Variants in LGSN observed in about 807,000 individuals in gnomAD.
The protein encoded by LGSN is lengsin, lens protein with glutamine synthetase domain, also known as lengsin.
LGSN carries 21 observed loss-of-function variants against 19.5 expected under a neutral mutation model. The observed-to-expected ratio is 1.07, with a 90% CI of 0.76 to 1.55. LGSN has a LOEUF of 1.55. Among genes scored for constraint, LGSN ranks in the 40% most tolerant of loss-of-function variants. LGSN has a pLI of 0.00. For missense variants in LGSN, 673 were observed against 608.5 expected, an observed-to-expected ratio of 1.11 and a Z score of -1.12; for synonymous variants, 257 against 215.6, an observed-to-expected ratio of 1.19 and a Z score of -1.68.
upstream of LGSN, among the ~76,000 whole-genome samples, chr6:63,323,884 G>T (rs1462784417): frequency 6.7e-6 from 1 of 149,876 alleles, no homozygotes; most frequent in Non-Finnish European, 1.5e-5. Flanking sequence ...CAATTCTCCT[G>T]CCTCAGCCTC....
At chr6:63,513,748 T>C in the LGSN span, among the ~76,000 whole-genome samples, 4 of 151,664 alleles carry the variant, frequency 2.6e-5, 1 homozygote, top group South Asian at 6.2e-4. Flanking sequence ...CCGTCTCTAC[T>C]AAAAATACAA....
the LGSN span, among the ~76,000 whole-genome samples, chr6:63,430,631 G>A: frequency 2.6e-5 from 4 of 152,006 alleles, no homozygotes; most frequent in African/African-American, 4.8e-5. Flanking sequence ...CAAGTGATTC[G>A]CTTGCCACGG....
chr6:63,419,759 A>G, the LGSN span, among the ~76,000 whole-genome samples: 1 of 151,002 alleles, frequency 6.6e-6, no homozygotes, highest in East Asian at 1.9e-4. Flanking sequence ...GTGTTGGTGG[A>G]CGCCTATAAT....
chr6:63,277,577 A>C lies in LGSN; in HGVS notation c.*2444T>G, dbSNP rs1353100429. ...ATCATTGTGGCTTAAAGAAGATAGA[A>C]GTTTGGTTCTCTCTCAGGTAAACAT... is the stretch of plus-strand genomic sequence containing the variant. On this transcript the variant is annotated 3_prime_UTR_variant, in exon 4 of 4. Coordinates refer to ENST00000370657, the MANE Select transcript of LGSN (RefSeq NM_016571.3). 1 of 152,234 alleles carries C rather than the reference A, an allele frequency of 6.6e-6. No homozygotes were observed. Among genetic ancestry groups the C allele is most frequent in the African/African-American group, 2.4e-5 (1 of 41,460 alleles). The allele number at this position is 152,234 out of a possible 1,614,324, so 9.4% of individuals were successfully genotyped here.
At chr6:63,549,483 C>A in the LGSN span, 10 of 785,612 alleles carry the variant, frequency 1.3e-5, no homozygotes, top group Non-Finnish European at 2.2e-5. Context: ...CACCTTCTTT[C>A]CCTTGGCCTT....
Position 63,276,883 on chromosome 6 carries a change from T to G in LGSN, c.*3138A>C, listed in dbSNP as rs1050686201. 2 of 152,234 alleles carry G rather than the reference T, an allele frequency of 1.3e-5. No homozygotes were observed. Among genetic ancestry groups the G allele is most frequent in the African/African-American group, 4.8e-5 (2 of 41,462 alleles). The allele number at this position is 152,234 out of a possible 1,614,324, so 9.4% of individuals were successfully genotyped here. A position where few individuals can be genotyped will look rare whatever the true frequency, so the allele number is the denominator to read the frequency against. ...TGAAAGAAATAGAAAAATAGATAAC[T>G]GATTTTTACATGTACCTACCCCAAT... On this transcript the variant is annotated 3_prime_UTR_variant, in exon 4 of 4. Coordinates refer to ENST00000370657, the MANE Select transcript of LGSN (RefSeq NM_016571.3).
the LGSN span, among the ~76,000 whole-genome samples, chr6:63,449,541 CAAAAA>C: frequency 9.3e-6 from 1 of 107,072 alleles, no homozygotes; most frequent in African/African-American, 3.5e-5. Flanking sequence ...GAGACTCCGT[CAAAAA>C]AAAAAAAAAG....
At chr6:63,368,856 C>T in the LGSN span, among the ~76,000 whole-genome samples, 1 of 152,186 alleles carries the variant, frequency 6.6e-6, no homozygotes, top group Non-Finnish European at 1.5e-5. Flanking sequence ...TATTTAAACA[C>T]ATACCCCATC....
At chr6:63,286,885 C>A (rs1364687655) in intron 2 of LGSN, among the ~76,000 whole-genome samples, 2 of 152,172 alleles carry the variant, frequency 1.3e-5, no homozygotes, top group African/African-American at 4.8e-5. Context: ...AAGTTATTAA[C>A]AGTTATTGGC....
chr6:63,286,182 T>G (rs1476838606), intron 2 of LGSN, among the ~76,000 whole-genome samples: 2 of 152,234 alleles, frequency 1.3e-5, no homozygotes, highest in Admixed American at 6.5e-5. Context: ...TAAATTTCTA[T>G]ATGATTAAAA....
At chr6:63,350,857 C>T in the LGSN span, among the ~76,000 whole-genome samples, 1 of 149,376 alleles carries the variant, frequency 6.7e-6, no homozygotes, top group East Asian at 2.0e-4. Flanking sequence ...AAAAAAAAAA[C>T]AAACAAACAA....
the LGSN span, among the ~76,000 whole-genome samples, chr6:63,388,096 G>A: frequency 3.8e-4 from 57 of 150,442 alleles, no homozygotes; most frequent in Admixed American, 3.4e-3. Flanking sequence ...GGCTGGTCTC[G>A]AACTCCTGAC....
At chr6:63,383,926 T>C in the LGSN span, among the ~76,000 whole-genome samples, 8 of 152,218 alleles carry the variant, frequency 5.3e-5, no homozygotes, top group Non-Finnish European at 8.8e-5. Context: ...TATCTCTGGT[T>C]ATTCATTAAT....
intron 3 of LGSN, among the ~76,000 whole-genome samples, chr6:63,284,412 C>A (rs945855898): frequency 1.3e-5 from 2 of 152,044 alleles, no homozygotes; most frequent in African/African-American, 2.4e-5. Context: ...CAGAATTTTT[C>A]TCTTTATGTC....
the LGSN span, among the ~76,000 whole-genome samples, chr6:63,505,416 A>G: frequency 1.3e-5 from 2 of 151,588 alleles, no homozygotes; most frequent in African/African-American, 4.8e-5. Flanking sequence ...CGTCTCTACT[A>G]AAAATACAAA....
At chr6:63,347,271 A>G in the LGSN span, among the ~76,000 whole-genome samples, 1 of 152,192 alleles carries the variant, frequency 6.6e-6, no homozygotes, top group Non-Finnish European at 1.5e-5. Context: ...TCTTAGTTTT[A>G]TGTATTTTTC....
intron 1 of LGSN, among the ~76,000 whole-genome samples, chr6:63,298,884 C>T (rs923912742): frequency 2.0e-5 from 3 of 152,110 alleles, no homozygotes. Context: ...CTTTTAAAAG[C>T]CTTTCAAAAG....
chr6:63,372,360 C>A, the LGSN span, among the ~76,000 whole-genome samples: 1 of 152,148 alleles, frequency 6.6e-6, no homozygotes, highest in Non-Finnish European at 1.5e-5. Context: ...GCTCTGTACC[C>A]ACAAAAATCC....
the LGSN span, among the ~76,000 whole-genome samples, chr6:63,518,913 G>A: frequency 1.3e-5 from 2 of 152,120 alleles, no homozygotes; most frequent in African/African-American, 4.8e-5. Flanking sequence ...AAAAAAGCAG[G>A]ATACATATGC....
Sources: allele counts gnomAD v4.1 joint callset (sites outside exome capture counted in the v4.1 genomes callset), GRCh38; gene constraint gnomAD v4.1.1; transcripts MANE v1.5; gene names NCBI Gene and HGNC (gene_info 2026-07-23, HGNC 2026-07-21).